The following THOC1 variants were observed in gnomAD, a reference collection of about 807,000 sequenced individuals.
The protein encoded by THOC1 is THO complex 1.
THOC1 carries 29 observed loss-of-function variants against 97.3 expected under a neutral mutation model. The ratio of observed to expected loss-of-function variants is 0.30; its 90% CI spans 0.22 to 0.41. The LOEUF is 0.41. THOC1 is among the 10% of genes least tolerant of loss of function. The probability of loss-of-function intolerance (pLI) is 1.00; values close to 1 mark genes in which losing one functional copy is unlikely to be tolerated. For missense variants in THOC1, 529 were observed against 761.9 expected, an observed-to-expected ratio of 0.69 and a Z score of 3.60; for synonymous variants, 255 against 257.0, an observed-to-expected ratio of 0.99 and a Z score of 0.07.
chr18:236,671 A>G (rs1209912451), intron 11 of THOC1, among the ~76,000 whole-genome samples: 1 of 152,002 alleles, frequency 6.6e-6, no homozygotes, highest in African/African-American at 2.4e-5. Context: ...CGAAAGAATA[A>G]GATTCTAAGA....
intron 18 of THOC1, among the ~76,000 whole-genome samples, chr18:217,592 T>C (rs1051696135): frequency 1.5e-4 from 23 of 152,152 alleles, no homozygotes; most frequent in African/African-American, 5.5e-4. Flanking sequence ...AAGGCAGGCA[T>C]TGCTAGTGAT....
intron 17 of THOC1, among the ~76,000 whole-genome samples, chr18:221,071 C>T (rs145742284): frequency 1.3e-5 from 2 of 152,108 alleles, no homozygotes; most frequent in African/African-American, 2.4e-5. Context: ...TCTACATTTT[C>T]CAATTTCCAT....
chr18:232,196 A>G (rs1911506903), intron 11 of THOC1, among the ~76,000 whole-genome samples: 1 of 152,214 alleles, frequency 6.6e-6, no homozygotes. Context: ...CCTGAGCTCA[A>G]GTGATTCTCC....
chr18:264,487 GA>G (rs1912702731), intron 3 of THOC1, among the ~76,000 whole-genome samples: 2 of 152,162 alleles, frequency 1.3e-5, no homozygotes, highest in Non-Finnish European at 2.9e-5. Context: ...ATAGAAGGAA[GA>G]CAGTGCTTAG....
At chr18:259,939 A>G (rs1912551153) in intron 5 of THOC1, 1 of 526,990 alleles carries the variant, frequency 1.9e-6, no homozygotes, top group Non-Finnish European at 3.3e-6. Flanking sequence ...TGTTTTAAAC[A>G]TGTGAAAGTG....
intron 12 of THOC1, 103 bp from the exon 13 acceptor site, chr18:225,506 T>C (rs1911249694): frequency 1.1e-6 from 1 of 906,840 alleles, no homozygotes; most frequent in Non-Finnish European, 1.7e-6. Flanking sequence ...ATACTGTGGA[T>C]AGTGTCAAAA....
At chr18:235,085 A>ATTTT (rs34986100) in intron 11 of THOC1, among the ~76,000 whole-genome samples, 14 of 139,174 alleles carry the variant, frequency 1.0e-4, no homozygotes, top group African/African-American at 3.2e-4. Flanking sequence ...TTGGTTTTCT[A>ATTTT]TTTTTTTTTT....
At chr18:215,613 G>A (rs1910853174) in intron 19 of THOC1, 109 bp from the exon 20 acceptor site, 2 of 803,934 alleles carry the variant, frequency 2.5e-6, no homozygotes, top group East Asian at 2.6e-5. Context: ...CAGGGTGCCA[G>A]AACCTCACCC....
chr18:255,807 A>C (rs1912419626), intron 7 of THOC1, among the ~76,000 whole-genome samples: 1 of 152,236 alleles, frequency 6.6e-6, no homozygotes. Context: ...TTAGGAGCTA[A>C]TGCAGCTGGT....
At chr18:228,589 G>C (rs2143183512) in intron 11 of THOC1, among the ~76,000 whole-genome samples, 1 of 152,068 alleles carries the variant, frequency 6.6e-6, no homozygotes, top group African/African-American at 2.4e-5. Flanking sequence ...TTGGCCTATA[G>C]GCTATAGTCT....
At chr18:215,956 A>C (rs1910868201) in intron 19 of THOC1, among the ~76,000 whole-genome samples, 1 of 152,102 alleles carries the variant, frequency 6.6e-6, no homozygotes, top group African/African-American at 2.4e-5. Context: ...CTGAAGTATC[A>C]CGAACTTTAA....
At chr18:245,439 T>C (rs1912056732) in intron 11 of THOC1, 1 of 152,200 alleles carries the variant, frequency 6.6e-6, no homozygotes, top group East Asian at 1.9e-4. Flanking sequence ...ACTGAGCATA[T>C]CACATATCTG....
At chr18:251,063 C>CT (rs1292337452) in intron 9 of THOC1, among the ~76,000 whole-genome samples, 1 of 152,156 alleles carries the variant, frequency 6.6e-6, no homozygotes, top group Non-Finnish European at 1.5e-5. Flanking sequence ...ATTCTAAGTG[C>CT]TTTACACTTA....
intron 15 of THOC1, 58 bp downstream of exon 15, chr18:224,866 C>G (rs1008460825): frequency 1.5e-6 from 2 of 1,347,408 alleles, no homozygotes; most frequent in African/African-American, 1.5e-5. Context: ...TTTTCAAAAG[C>G]CTTTCTCGTC....
intron 11 of THOC1, among the ~76,000 whole-genome samples, chr18:239,183 C>T (rs1449099269): frequency 4.6e-5 from 7 of 152,134 alleles, no homozygotes; most frequent in Admixed American, 1.3e-4. Context: ...AATATTCTTA[C>T]GCTATCCGGT....
At chr18:236,351 T>C (rs966779087) in intron 11 of THOC1, among the ~76,000 whole-genome samples, 2 of 1,578 alleles carry the variant, frequency 1.3e-3, no homozygotes, top group Non-Finnish European at 0.026. Flanking sequence ...AATAAGATTC[T>C]TTTTTTTTTT....
chr18:221,494 A>T (rs892365068), intron 17 of THOC1, among the ~76,000 whole-genome samples: 1 of 151,908 alleles, frequency 6.6e-6, no homozygotes, highest in Non-Finnish European at 1.5e-5. Context: ...TTTCTGCCTG[A>T]TATCAATATA....
intron 11 of THOC1, among the ~76,000 whole-genome samples, chr18:236,825 G>A (rs1039138444): frequency 2.6e-5 from 4 of 152,220 alleles, no homozygotes; most frequent in Middle Eastern, 3.4e-3. Flanking sequence ...TACACAAAAG[G>A]ATCGCTTCTA....
At chr18:243,300 C>T (rs1430938076) in intron 11 of THOC1, among the ~76,000 whole-genome samples, 1 of 152,082 alleles carries the variant, frequency 6.6e-6, no homozygotes, top group Non-Finnish European at 1.5e-5. Context: ...TATTAGAAAG[C>T]CAAGTGTGAC....
Sources: allele counts gnomAD v4.1 joint callset (sites outside exome capture counted in the v4.1 genomes callset), GRCh38; gene constraint gnomAD v4.1.1; transcripts MANE v1.5; gene names NCBI Gene and HGNC (gene_info 2026-07-23, HGNC 2026-07-21).